Variants in HSD17B2 observed in about 807,000 individuals in gnomAD.
HSD17B2 encodes hydroxysteroid 17-beta dehydrogenase 2, also known as 17-beta-hydroxysteroid dehydrogenase type 2.
In HSD17B2, 32 loss-of-function variants were observed where a neutral mutation model predicts 26.9. The ratio of observed to expected loss-of-function variants is 1.19; its 90% CI spans 0.90 to 1.60. The LOEUF is 1.60. Ranked by LOEUF, HSD17B2 falls within the 40% of genes most tolerant of loss-of-function variation. HSD17B2 has a pLI of 0.00. For synonymous variants in HSD17B2, 246 were observed against 186.7 expected, an observed-to-expected ratio of 1.32 and a Z score of -2.59; for missense variants, 613 against 468.6, an observed-to-expected ratio of 1.31 and a Z score of -2.85.
chr16:82,090,777 C>G, intron 3 of HSD17B2, 125 bp from the exon 4 acceptor site: 1 of 896,874 alleles, frequency 1.1e-6, no homozygotes, highest in Non-Finnish European at 1.7e-6. Flanking sequence ...GGGGGCCTTG[C>G]CTGCCTTTGT....
chr16:82,036,482 C>G (rs975331153), intron 1 of HSD17B2, among the ~76,000 whole-genome samples: 3 of 151,574 alleles, frequency 2.0e-5, no homozygotes, highest in Admixed American at 2.0e-4. Flanking sequence ...TATCCTAACC[C>G]AGAAAGCCCT....
chr16:82,089,129 T>C (rs1904611609), intron 3 of HSD17B2, among the ~76,000 whole-genome samples: 1 of 152,180 alleles, frequency 6.6e-6, no homozygotes, highest in African/African-American at 2.4e-5. Flanking sequence ...ACAATGTTCA[T>C]AGCACCCCCA....
intron 3 of HSD17B2, among the ~76,000 whole-genome samples, chr16:82,074,214 A>C (rs759415858): frequency 2.6e-5 from 4 of 152,130 alleles, no homozygotes; most frequent in Non-Finnish European, 4.4e-5. Context: ...CAGATCTTTG[A>C]GTCATCTTGG....
At chr16:82,072,861 G>T (rs1398280919) in intron 3 of HSD17B2, among the ~76,000 whole-genome samples, 1 of 152,142 alleles carries the variant, frequency 6.6e-6, no homozygotes, top group Non-Finnish European at 1.5e-5. Flanking sequence ...TTTGATACCA[G>T]CCTGGGCAAC....
chr16:82,075,529 G>A (rs185101784), intron 3 of HSD17B2, among the ~76,000 whole-genome samples: 25 of 152,052 alleles, frequency 1.6e-4, no homozygotes, highest in Admixed American at 1.6e-3. Flanking sequence ...GATGACAAAG[G>A]AGACATTACA....
At chr16:82,089,719 C>T (rs1157963235) in intron 3 of HSD17B2, among the ~76,000 whole-genome samples, 1 of 152,150 alleles carries the variant, frequency 6.6e-6, no homozygotes, top group Non-Finnish European at 1.5e-5. Context: ...CCTAGGTGTG[C>T]CTTGGCTTGG....
intron 1 of HSD17B2, among the ~76,000 whole-genome samples, chr16:82,039,089 G>A (rs1051454712): frequency 9.9e-5 from 15 of 152,100 alleles, no homozygotes; most frequent in African/African-American, 3.4e-4. Context: ...GGGAGTCAAA[G>A]TGCACCATGG....
intron 3 of HSD17B2, among the ~76,000 whole-genome samples, chr16:82,085,308 C>A (rs1487246677): frequency 1.3e-5 from 2 of 152,140 alleles, no homozygotes; most frequent in Non-Finnish European, 2.9e-5. Flanking sequence ...GATTGTGGGA[C>A]AAGGGGGAAA....
chr16:82,059,578 T>C (rs8191101), intron 1 of HSD17B2, among the ~76,000 whole-genome samples: 3,763 of 152,236 alleles, frequency 0.025, 154 homozygotes, highest in African/African-American at 0.084. Context: ...TCCTAATCAG[T>C]ATGCGTCATG....
chr16:82,063,423 T>C (rs1914496192), intron 1 of HSD17B2, among the ~76,000 whole-genome samples: 1 of 152,166 alleles, frequency 6.6e-6, no homozygotes, highest in Non-Finnish European at 1.5e-5. Flanking sequence ...AAAGGCTCTC[T>C]AGGGTTACAC....
chr16:82,075,440 T>C (rs1904295740), intron 3 of HSD17B2, among the ~76,000 whole-genome samples: 1 of 151,604 alleles, frequency 6.6e-6, no homozygotes, highest in South Asian at 2.1e-4. Context: ...ATAAACAAAA[T>C]TGACAAACTT....
At chr16:82,080,663 G>A (rs758773430) in intron 3 of HSD17B2, among the ~76,000 whole-genome samples, 2 of 152,136 alleles carry the variant, frequency 1.3e-5, no homozygotes, top group Admixed American at 6.5e-5. Context: ...GACTTTAAAC[G>A]AGCTCCAATT....
chr16:82,059,770 GCT>G (rs1259182479), intron 1 of HSD17B2, among the ~76,000 whole-genome samples: 1 of 152,176 alleles, frequency 6.6e-6, no homozygotes, highest in Non-Finnish European at 1.5e-5. Context: ...GGGTTTCACG[GCT>G]GACTCTACCA....
chr16:82,084,123 GC>G (rs1904454463), intron 3 of HSD17B2, among the ~76,000 whole-genome samples: 1 of 152,114 alleles, frequency 6.6e-6, no homozygotes, highest in African/African-American at 2.4e-5. Context: ...TCGGTTACTA[GC>G]TGGGTGACCT....
intron 1 of HSD17B2, among the ~76,000 whole-genome samples, chr16:82,040,627 T>C (rs559409667): frequency 9.2e-5 from 14 of 152,336 alleles, no homozygotes; most frequent in African/African-American, 2.9e-4. Context: ...TGAACATCTG[T>C]TATGTGCCCA....
chr16:82,094,867 C>A (rs1485463736), intron 4 of HSD17B2: 7 of 152,152 alleles, frequency 4.6e-5, no homozygotes, highest in Non-Finnish European at 1.0e-4. Context: ...ATAATAGCCC[C>A]ATCTTGCAGT....
At chr16:82,074,998 A>G (rs1274550996) in intron 3 of HSD17B2, among the ~76,000 whole-genome samples, 2 of 152,224 alleles carry the variant, frequency 1.3e-5, no homozygotes, top group African/African-American at 4.8e-5. Flanking sequence ...AATATCAAGT[A>G]TCTTCTCTGA....
chr16:82,096,999 T>C (rs928987150), intron 4 of HSD17B2: 11 of 151,422 alleles, frequency 7.3e-5, no homozygotes, highest in African/African-American at 2.7e-4. Context: ...GGTCCTGTTC[T>C]GTTTTGTTTT....
At chr16:82,049,024 G>A (rs8191088) in intron 1 of HSD17B2, among the ~76,000 whole-genome samples, 253 of 152,262 alleles carry the variant, frequency 1.7e-3, no homozygotes, top group Non-Finnish European at 2.9e-3. Context: ...GGCTGGAACA[G>A]GTAGTCCCAT....
Sources: allele counts gnomAD v4.1 joint callset (sites outside exome capture counted in the v4.1 genomes callset), GRCh38; gene constraint gnomAD v4.1.1; transcripts MANE v1.5; gene names NCBI Gene and HGNC (gene_info 2026-07-23, HGNC 2026-07-21).